Variants in STXBP5L observed in about 807,000 individuals in gnomAD.
STXBP5L encodes the protein syntaxin binding protein 5L.
STXBP5L carries 65 observed loss-of-function variants against 144.5 expected under a neutral mutation model. That is an observed-to-expected ratio of 0.45 (90% CI 0.37 to 0.55). The LOEUF is 0.55. STXBP5L is among the 20% of genes least tolerant of loss of function. The probability of loss-of-function intolerance (pLI) is 0.00; values close to 1 mark genes in which losing one functional copy is unlikely to be tolerated. For synonymous variants in STXBP5L, 505 were observed against 469.6 expected (o/e 1.08, Z -0.97); for missense variants, 1,298 against 1,405.5 (o/e 0.92, Z 1.22).
At chr3:121,238,083 A>G (rs973623544) in intron 12 of STXBP5L, among the ~76,000 whole-genome samples, 2 of 152,178 alleles carry the variant, frequency 1.3e-5, no homozygotes, top group African/African-American at 4.8e-5. Context: ...TGCTTCCACA[A>G]TTTCAGTTAT....
intron 3 of STXBP5L, among the ~76,000 whole-genome samples, chr3:120,989,804 C>G (rs940726611): frequency 1.3e-5 from 2 of 152,016 alleles, no homozygotes; most frequent in African/African-American, 4.8e-5. Flanking sequence ...TAATTTTTCT[C>G]TCTAAAATCT....
At chr3:120,957,614 A>G (rs1046122858) in intron 3 of STXBP5L, among the ~76,000 whole-genome samples, 3 of 151,956 alleles carry the variant, frequency 2.0e-5, no homozygotes, top group African/African-American at 7.2e-5. Flanking sequence ...TTTGAGTAGA[A>G]GTAGTATTAG....
intron 3 of STXBP5L, among the ~76,000 whole-genome samples, chr3:121,021,535 A>G (rs919865540): frequency 6.6e-6 from 1 of 152,200 alleles, no homozygotes; most frequent in Non-Finnish European, 1.5e-5. Context: ...AAGTCTCAAC[A>G]AATTTAAGAA....
At chr3:121,102,059 T>C (rs753814753) in intron 5 of STXBP5L, among the ~76,000 whole-genome samples, 17 of 151,918 alleles carry the variant, frequency 1.1e-4, no homozygotes, top group Admixed American at 2.0e-4. Flanking sequence ...AAAGAAATCA[T>C]AGGTGACACA....
intron 10 of STXBP5L, among the ~76,000 whole-genome samples, chr3:121,220,699 A>G (rs781494691): frequency 1.1e-4 from 17 of 152,086 alleles, no homozygotes; most frequent in Admixed American, 2.6e-4. Flanking sequence ...CTGCTCGACA[A>G]CTACCAAGTT....
At chr3:121,176,037 C>A (rs1461209064) in intron 9 of STXBP5L, among the ~76,000 whole-genome samples, 2 of 151,966 alleles carry the variant, frequency 1.3e-5, no homozygotes, top group South Asian at 4.2e-4. Flanking sequence ...TGTGTATGTA[C>A]CTAAGACAGC....
chr3:121,022,560 C>T (rs559623127), intron 3 of STXBP5L, among the ~76,000 whole-genome samples: 2 of 152,154 alleles, frequency 1.3e-5, no homozygotes, highest in Admixed American at 6.5e-5. Context: ...TATAATCCAC[C>T]ATGATCAAGT....
intron 20 of STXBP5L, among the ~76,000 whole-genome samples, chr3:121,320,677 C>A (rs1038551193): frequency 2.6e-5 from 4 of 151,054 alleles, no homozygotes; most frequent in African/African-American, 9.7e-5. Context: ...TTTAGGAACA[C>A]CACCACAACG....
intron 9 of STXBP5L, among the ~76,000 whole-genome samples, chr3:121,189,409 G>A (rs1277763621): frequency 3.3e-5 from 5 of 152,286 alleles, no homozygotes; most frequent in Non-Finnish European, 7.3e-5. Context: ...TAAAGTGTAA[G>A]GAAGGGATCC....
intron 3 of STXBP5L, among the ~76,000 whole-genome samples, chr3:120,974,029 T>A (rs1940619848): frequency 6.6e-6 from 1 of 152,286 alleles, no homozygotes; most frequent in East Asian, 1.9e-4. Context: ...TATAGCAGCA[T>A]GATTTATAGT....
intron 19 of STXBP5L, among the ~76,000 whole-genome samples, chr3:121,312,446 C>CTTTTTTTTT (rs58989280): frequency 7.8e-5 from 1 of 12,752 alleles, no homozygotes; most frequent in African/African-American, 4.3e-4. Context: ...GTATGTCAAT[C>CTTTTTTTTT]TTTTTTTTTT....
chr3:121,069,723 A>G (rs2041717399), intron 5 of STXBP5L, among the ~76,000 whole-genome samples: 1 of 151,732 alleles, frequency 6.6e-6, no homozygotes, highest in African/African-American at 2.4e-5. Context: ...AAAAGTTTTT[A>G]TGGTTTTACA....
chr3:121,086,177 AC>A (rs2042482903), intron 5 of STXBP5L, among the ~76,000 whole-genome samples: 1 of 152,136 alleles, frequency 6.6e-6, no homozygotes, highest in African/African-American at 2.4e-5. Flanking sequence ...TGGATTAAAG[AC>A]TTTTTTCTTT....
intron 7 of STXBP5L, among the ~76,000 whole-genome samples, chr3:121,132,224 T>A (rs1206809006): frequency 6.6e-6 from 1 of 152,132 alleles, no homozygotes; most frequent in Admixed American, 6.6e-5. Flanking sequence ...AGATGAAAAA[T>A]CCCAGCTCTC....
intron 3 of STXBP5L, among the ~76,000 whole-genome samples, chr3:121,005,791 G>T (rs949863500): frequency 2.6e-5 from 4 of 152,086 alleles, no homozygotes; most frequent in Admixed American, 6.6e-5. Context: ...CTTTATTTCT[G>T]CCTTCTTTTC....
intron 20 of STXBP5L, among the ~76,000 whole-genome samples, chr3:121,351,455 G>A (rs112314420): frequency 0.11 from 17,008 of 152,112 alleles, 1,066 homozygotes; most frequent in Non-Finnish European, 0.14. Context: ...CTCAAGCTGC[G>A]TGCTGGGAGA....
chr3:121,310,962 AAAATATTCAC>A (rs2043505804), intron 19 of STXBP5L, among the ~76,000 whole-genome samples: 1 of 152,214 alleles, frequency 6.6e-6, no homozygotes, highest in African/African-American at 2.4e-5. Flanking sequence ...ATACTGAAAG[AAAATATTCAC>A]AATGCCTATT....
At chr3:121,092,206 A>C (rs1490336375) in intron 5 of STXBP5L, among the ~76,000 whole-genome samples, 1 of 152,026 alleles carries the variant, frequency 6.6e-6, no homozygotes, top group Non-Finnish European at 1.5e-5. Flanking sequence ...AGGTAGCATG[A>C]TGCCTCCAGC....
At chr3:121,089,368 A>G (rs924252560) in intron 5 of STXBP5L, among the ~76,000 whole-genome samples, 4 of 151,848 alleles carry the variant, frequency 2.6e-5, no homozygotes, top group Non-Finnish European at 5.9e-5. Context: ...TGCTTAATAT[A>G]GAATTCTAGG....
Sources: gnomAD v4.1 joint callset for allele counts (sites outside exome capture counted in the v4.1 genomes callset) on GRCh38, gnomAD v4.1.1 for gene constraint, MANE v1.5 for transcripts, NCBI Gene and HGNC (gene_info 2026-07-23, HGNC 2026-07-21) for gene names.